Variants in WDR19 observed in about 807,000 individuals in gnomAD.
The protein encoded by WDR19 is WD repeat domain 19.
A neutral mutation model predicts 180.0 loss-of-function variants in WDR19; 121 were observed. The observed-to-expected ratio is 0.67, with a 90% confidence interval of 0.58 to 0.78. The LOEUF is 0.78. WDR19 is among the 30% of genes least tolerant of loss of function. The pLI is 0.00. For missense variants in WDR19, 1,450 were observed against 1,640.7 expected (o/e 0.88, Z 2.01); for synonymous variants, 497 against 540.7 (o/e 0.92, Z 1.12).
In WDR19 at chr4:39,251,138, G is replaced by A. The variant is rs374735105; in HGVS notation, c.2730-2008G>A. On this transcript the variant is annotated intron_variant, in intron 24 of 36. Coordinates refer to ENST00000399820, the MANE Select transcript of WDR19 (RefSeq NM_025132.4). ...ACAAGGCTACAGTAACCAAAACAGC[G>A]TGGTACTGGTACCAAAACAGAGATA... Among the ~76,000 whole-genome samples the A allele has an allele frequency of 2.3e-3, 351 of 152,034 alleles. 1 individual carries two copies. Among genetic ancestry groups the A allele is most frequent in the African/African-American group, 7.6e-3 (317 of 41,468 alleles).
intron 33 of WDR19, among the ~76,000 whole-genome samples, chr4:39,276,539 C>T (rs969041463): frequency 2.0e-5 from 3 of 152,198 alleles, no homozygotes; most frequent in Admixed American, 6.5e-5. Context: ...CTTAGTTCTT[C>T]GCACTACCCG....
chr4:39,186,228 C>T (rs1453012131), intron 2 of WDR19, among the ~76,000 whole-genome samples: 1 of 151,678 alleles, frequency 6.6e-6, no homozygotes, highest in Non-Finnish European at 1.5e-5. Context: ...GCCAATAATC[C>T]CAACACTTTG....
At chr4:39,212,306 C>T (rs1178093934) in intron 9 of WDR19, among the ~76,000 whole-genome samples, 1 of 152,094 alleles carries the variant, frequency 6.6e-6, no homozygotes. Flanking sequence ...CGACACAAAC[C>T]TTACACCTTA....
intron 14 of WDR19, among the ~76,000 whole-genome samples, chr4:39,221,495 T>G (rs1729698407): frequency 6.6e-6 from 1 of 152,196 alleles, no homozygotes; most frequent in Admixed American, 6.5e-5. Flanking sequence ...TTAATTGATA[T>G]GCAAAAAAAT....
chr4:39,241,004 A>G (rs1222637970), intron 21 of WDR19, among the ~76,000 whole-genome samples: 1 of 151,364 alleles, frequency 6.6e-6, no homozygotes, highest in African/African-American at 2.4e-5. Context: ...GTGAATTTCC[A>G]ATCCGTAAAA....
intron 29 of WDR19, among the ~76,000 whole-genome samples, chr4:39,266,675 A>T (rs532614404): frequency 6.6e-6 from 1 of 152,270 alleles, no homozygotes; most frequent in East Asian, 1.9e-4. Flanking sequence ...TGATGTTGCA[A>T]CTATGACCTA....
rs566002828 is a variant in WDR19 at position 39,241,127 on chromosome 4, A to G, written c.2421+793A>G. Among the ~76,000 whole-genome samples, 3 of 152,282 alleles carry G rather than the reference A, an allele frequency of 2.0e-5. No homozygotes were observed. The South Asian group carries it at 6.2e-4, about 32-fold the overall frequency. ...CAGAATTCTAGCTTAAAAAGCTAAGATTTATAATAATAATTGCTGTTTTTA... is the reference window on the plus strand; with the variant it reads ...CAGAATTCTAGCTTAAAAAGCTAAGGTTTATAATAATAATTGCTGTTTTTA... On this transcript the variant is annotated intron_variant, in intron 21 of 36. Transcript: ENST00000399820.
intron 28 of WDR19, among the ~76,000 whole-genome samples, chr4:39,259,272 A>G (rs1734055733): frequency 6.6e-6 from 1 of 152,212 alleles, no homozygotes; most frequent in Non-Finnish European, 1.5e-5. Flanking sequence ...ACCATTTATC[A>G]AAATACTATC....
At chr4:39,212,037 A>G (rs1728598325) in intron 9 of WDR19, among the ~76,000 whole-genome samples, 1 of 152,176 alleles carries the variant, frequency 6.6e-6, no homozygotes, top group Non-Finnish European at 1.5e-5. Context: ...AGCAATCTTA[A>G]AAAAGAACAA....
At chr4:39,242,590 A>G (rs1732070918) in intron 21 of WDR19, among the ~76,000 whole-genome samples, 1 of 152,220 alleles carries the variant, frequency 6.6e-6, no homozygotes, top group Admixed American at 6.5e-5. Flanking sequence ...TGGGAGGCCA[A>G]GGTGGGAGGA....
At chr4:39,198,797 C>A (rs1426067721) in intron 5 of WDR19, among the ~76,000 whole-genome samples, 1 of 152,092 alleles carries the variant, frequency 6.6e-6, no homozygotes, top group Non-Finnish European at 1.5e-5. Context: ...GTCAGGAGTT[C>A]AAGACCAGCC....
At position 39,240,307 on chromosome 4, in the gene WDR19, T is replaced by C. The variant is rs905418661; in HGVS notation, c.2394T>C (p.Tyr798=). The C allele has an allele frequency of 7.0e-7, 1 of 1,438,662 alleles. No homozygotes were observed. The highest frequency in any genetic ancestry group is 1.7e-5 in the South Asian group (1 of 59,912). The allele number at this position is 1,438,662 out of a possible 1,614,324, so 89.1% of individuals were successfully genotyped here. ...AGDYVNALAH[Y]EKGITGDNKE... The stretch of plus-strand genomic sequence containing the variant: ...ATTATGTAAATGCTTTGGCTCATTA[T>C]GAGAAAGGAATAACAGGTGATAATA... Residue 798 remains tyrosine (Y), a synonymous_variant, in exon 21 of 37, where the codon TAT becomes TAC. Transcript: ENST00000399820.
intron 28 of WDR19, among the ~76,000 whole-genome samples, chr4:39,257,991 C>T (rs1733927213): frequency 6.6e-6 from 1 of 151,494 alleles, no homozygotes; most frequent in African/African-American, 2.4e-5. Flanking sequence ...GTCAATATCC[C>T]CCACCAAAGG....
At chr4:39,218,234 GATTA>G in intron 14 of WDR19, 129 bp downstream of exon 14, 1 of 1,165,190 alleles carries the variant, frequency 8.6e-7, no homozygotes, top group Non-Finnish European at 1.2e-6. Context: ...AGTTATCTGT[GATTA>G]ATTATATACA....
chr4:39,259,337 G>A (rs192273980), intron 28 of WDR19, among the ~76,000 whole-genome samples: 112 of 152,278 alleles, frequency 7.4e-4, no homozygotes, highest in Admixed American at 2.0e-3. Context: ...TTACCATGTG[G>A]TATGAATCTG....
In WDR19 at chr4:39,234,829, C is replaced by T; in HGVS notation, c.2317C>T (p.Gln773Ter). The T allele has an allele frequency of 6.3e-7, 1 of 1,580,190 alleles. No homozygotes were observed. The change falls in exon 20 of 37, where the codon CAG becomes TAG. Residue 773 changes from glutamine to a stop codon, truncating the protein, a stop_gained. Transcript: ENST00000399820. LOFTEE classifies it high-confidence loss of function. ...ACTGGCAAAGCATTTGGCCCCAGAC[C>T]AGATACCTTTTATATCAAAAGAATA... ...LQLAKHLAPD[Q>*]IPFISKEYAI...
At chr4:39,228,944 C>A (rs1730577323) in intron 17 of WDR19, among the ~76,000 whole-genome samples, 1 of 152,114 alleles carries the variant, frequency 6.6e-6, no homozygotes, top group Non-Finnish European at 1.5e-5. Flanking sequence ...TTTTATCCCT[C>A]AACCCTGTCT....
At chr4:39,214,930 G>C (rs1728911383) in intron 10 of WDR19, among the ~76,000 whole-genome samples, 1 of 151,890 alleles carries the variant, frequency 6.6e-6, no homozygotes, top group Admixed American at 6.6e-5. Flanking sequence ...GTGCCACCAC[G>C]CCCAGCTAAT....
intron 1 of WDR19, among the ~76,000 whole-genome samples, chr4:39,184,340 G>T (rs1474599531): frequency 6.6e-6 from 1 of 151,910 alleles, no homozygotes; most frequent in Non-Finnish European, 1.5e-5. Flanking sequence ...AACCCAGGAG[G>T]CGGAGGTTGC....
Sources: gnomAD v4.1 joint callset for allele counts (sites outside exome capture counted in the v4.1 genomes callset) on GRCh38, gnomAD v4.1.1 for gene constraint, MANE v1.5 for transcripts, NCBI Gene and HGNC (gene_info 2026-07-23, HGNC 2026-07-21) for gene names.